Variants in CCSER1 observed in about 807,000 individuals in gnomAD.
CCSER1 encodes the protein serine-rich coiled-coil domain-containing protein 1.
In CCSER1, 41 loss-of-function variants were observed where a neutral mutation model predicts 82.0. The ratio of observed to expected loss-of-function variants is 0.50; its 90% confidence interval spans 0.39 to 0.65. The LOEUF (loss-of-function observed/expected upper bound fraction) is 0.65. Ranked by LOEUF, CCSER1 falls within the 30% of genes least tolerant of loss-of-function variation. CCSER1 has a pLI of 0.00. For missense variants in CCSER1, 1,119 were observed against 1,064.2 expected (o/e 1.05, Z -0.72); for synonymous variants, 414 against 383.9 (o/e 1.08, Z -0.92).
chr4:91,000,551 A>C (rs1737944590), intron 9 of CCSER1, among the ~76,000 whole-genome samples: 1 of 152,094 alleles, frequency 6.6e-6, no homozygotes, highest in Non-Finnish European at 1.5e-5. Flanking sequence ...CTTGAATTTC[A>C]TGAGTATGGG....
In CCSER1 at chr4:90,929,204, T is replaced by C. The variant is rs150524401; in HGVS notation, c.2172+5757T>C. Among the ~76,000 whole-genome samples the C allele has an allele frequency of 4.6e-4, 70 of 152,252 alleles. No homozygotes were observed. In the East Asian group the frequency reaches 0.012, roughly 27 times the overall value. On this transcript the variant is annotated intron_variant, in intron 9 of 10. Transcript: ENST00000509176. ...GTGTGCTGGTGAAACTAAACAAATT[T>C]AGAAAGCACTCAATGATTACTTGGT...
chr4:91,153,567 G>C (rs763515266), intron 10 of CCSER1, among the ~76,000 whole-genome samples: 3 of 151,914 alleles, frequency 2.0e-5, no homozygotes, highest in Non-Finnish European at 4.4e-5. Context: ...GCAAGGAGCT[G>C]CATTCCTTTG....
At chr4:90,256,957 CAT>C (rs1723413684) in intron 1 of CCSER1, among the ~76,000 whole-genome samples, 1 of 151,048 alleles carries the variant, frequency 6.6e-6, no homozygotes, top group South Asian at 2.1e-4. Context: ...TAAATTTTAC[CAT>C]ATATATGTAT....
chr4:91,035,538 G>A (rs1232387129), intron 9 of CCSER1, among the ~76,000 whole-genome samples: 1 of 152,188 alleles, frequency 6.6e-6, no homozygotes, highest in Non-Finnish European at 1.5e-5. Context: ...TCTCTGTGGT[G>A]TGGATTGTTG....
At chr4:90,412,670 A>G (rs1336077584) in intron 4 of CCSER1, among the ~76,000 whole-genome samples, 2 of 152,200 alleles carry the variant, frequency 1.3e-5, no homozygotes, top group African/African-American at 4.8e-5. Flanking sequence ...TGATCATCTC[A>G]ATAGAATTAG....
intron 7 of CCSER1, among the ~76,000 whole-genome samples, chr4:90,750,312 C>T (rs1748386337): frequency 6.6e-6 from 1 of 152,110 alleles, no homozygotes; most frequent in African/African-American, 2.4e-5. Flanking sequence ...TCCCATTTGT[C>T]TTTCTGTAGA....
intron 10 of CCSER1, among the ~76,000 whole-genome samples, chr4:91,356,524 T>C (rs942558670): frequency 6.6e-6 from 1 of 152,200 alleles, no homozygotes; most frequent in Non-Finnish European, 1.5e-5. Flanking sequence ...TGCTTTACGA[T>C]GTCTTATTAT....
intron 1 of CCSER1, among the ~76,000 whole-genome samples, chr4:90,135,423 C>A (rs191111455): frequency 6.9e-4 from 105 of 152,064 alleles, no homozygotes; most frequent in African/African-American, 2.3e-3. Context: ...GCCTCTGAAA[C>A]AACCTCATTT....
chr4:90,151,603 A>G (rs1726861396), intron 1 of CCSER1, among the ~76,000 whole-genome samples: 1 of 152,098 alleles, frequency 6.6e-6, no homozygotes, highest in South Asian at 2.1e-4. Context: ...GACTGTCAGA[A>G]TACTTTGTGT....
chr4:91,427,174 C>T (rs968261758), intron 10 of CCSER1, among the ~76,000 whole-genome samples: 4 of 152,084 alleles, frequency 2.6e-5, no homozygotes, highest in African/African-American at 9.7e-5. Flanking sequence ...ACATCACCAC[C>T]ACCACATTTA....
chr4:90,217,279 C>A (rs1377153227), intron 1 of CCSER1, among the ~76,000 whole-genome samples: 3 of 152,228 alleles, frequency 2.0e-5, no homozygotes, highest in South Asian at 4.2e-4. Flanking sequence ...TCACTGCAGC[C>A]TCCACCTCCG....
At chr4:90,901,827 G>A (rs1006619822) in intron 8 of CCSER1, among the ~76,000 whole-genome samples, 2 of 151,834 alleles carry the variant, frequency 1.3e-5, no homozygotes, top group African/African-American at 2.4e-5. Context: ...CTTGTATTTG[G>A]ATGTCAACCT....
rs142735763 is a variant in CCSER1 at position 90,858,593 on chromosome 4, G to A, written c.2094+42748G>A. Among the ~76,000 whole-genome samples, 314 of 151,958 alleles carry A rather than the reference G, an allele frequency of 2.1e-3. 2 individuals carry two copies. The highest frequency in any genetic ancestry group is 7.3e-3 in the African/African-American group (302 of 41,514). On this transcript the variant is annotated intron_variant, in intron 8 of 10. Transcript: ENST00000509176. The stretch of plus-strand genomic sequence containing the variant: ...ATTATTAATATGGAGAATAAATATT[G>A]TTATTCATGTGCTGAAGTGACTTTT...
At chr4:90,996,139 A>G (rs1737472654) in intron 9 of CCSER1, among the ~76,000 whole-genome samples, 1 of 152,120 alleles carries the variant, frequency 6.6e-6, no homozygotes, top group African/African-American at 2.4e-5. Flanking sequence ...ATACTGTTTG[A>G]ATCACTGATG....
chr4:91,073,669 A>C (rs562843408), intron 9 of CCSER1, among the ~76,000 whole-genome samples: 1 of 152,254 alleles, frequency 6.6e-6, no homozygotes, highest in African/African-American at 2.4e-5. Context: ...GAAACTACGG[A>C]AGCTTAAATA....
intron 7 of CCSER1, among the ~76,000 whole-genome samples, chr4:90,751,382 A>G (rs911300438): frequency 6.6e-6 from 1 of 152,102 alleles, no homozygotes; most frequent in Admixed American, 6.6e-5. Context: ...CTGCCTCTAA[A>G]GTATCTTTGT....
intron 10 of CCSER1, among the ~76,000 whole-genome samples, chr4:91,310,399 CA>C (rs112210328): frequency 7.7e-4 from 108 of 140,152 alleles, no homozygotes; most frequent in Admixed American, 8.6e-4. Flanking sequence ...AAAACCAATG[CA>C]AAAAAAAAAA....
chr4:91,222,691 T>C (rs985968351), intron 10 of CCSER1, among the ~76,000 whole-genome samples: 12 of 152,140 alleles, frequency 7.9e-5, no homozygotes, highest in African/African-American at 2.7e-4. Flanking sequence ...GAACCATTCA[T>C]TGAGCACTGC....
intron 8 of CCSER1, among the ~76,000 whole-genome samples, chr4:90,858,567 A>G (rs1380223004): frequency 6.6e-6 from 1 of 151,984 alleles, no homozygotes; most frequent in East Asian, 1.9e-4. Flanking sequence ...GTGGTATTTC[A>G]ATTATTAATA....
Sources: allele counts gnomAD v4.1 joint callset (sites outside exome capture counted in the v4.1 genomes callset), GRCh38; gene constraint gnomAD v4.1.1; transcripts MANE v1.5; gene names NCBI Gene and HGNC (gene_info 2026-07-23, HGNC 2026-07-21).